Variants in PRKCD observed in about 807,000 individuals in gnomAD.
The protein encoded by PRKCD is protein kinase C delta type.
A neutral mutation model predicts 82.2 loss-of-function variants in PRKCD; 20 were observed. That is an observed-to-expected ratio of 0.24 (90% CI 0.17 to 0.35). The LOEUF (loss-of-function observed/expected upper bound fraction) is 0.35, where lower values mean the gene tolerates loss of function less well. Ranked by LOEUF, PRKCD falls within the 10% of genes least tolerant of loss-of-function variation. The pLI is 1.00. For missense variants in PRKCD, 607 were observed against 899.0 expected (o/e 0.68, Z 4.15); for synonymous variants, 317 against 337.0 (o/e 0.94, Z 0.65).
chr3:53,183,650 A>ACCTCACGCCACCCTCGCCT, intron 9 of PRKCD, 69 bp downstream of exon 9: 3 of 1,583,814 alleles, frequency 1.9e-6, no homozygotes. Context: ...AATTCCAGCC[A>ACCTCACGCCACCCTCGCCT]CCTCACGCCA....
rs1703962454 is a variant in PRKCD at position 53,192,504 on chromosome 3, GT to G, written c.*240del. On this transcript the variant is annotated 3_prime_UTR_variant, in exon 19 of 19. Transcript: ENST00000330452. ...TCCTGTGTTTCATTACTTGAATGTA[GT>G]TATCTATTGAAAATATATATTATAT... The G allele has an allele frequency of 2.6e-6, 1 of 377,426 alleles. No individual in the cohort carries two copies. Among genetic ancestry groups the G allele is most frequent in the South Asian group, 4.3e-5 (1 of 23,170 alleles). 23.4% of individuals were successfully genotyped at this position (377,426 alleles called of 1,614,324 possible).
chr3:53,174,221 G>A (rs1196574801), intron 2 of PRKCD, among the ~76,000 whole-genome samples: 2 of 152,262 alleles, frequency 1.3e-5, no homozygotes, highest in Non-Finnish European at 2.9e-5. Context: ...AAGTGGAGGA[G>A]CCAAGATTCA....
chr3:53,168,554 A>T (rs2107225767), intron 2 of PRKCD, among the ~76,000 whole-genome samples: 1 of 152,020 alleles, frequency 6.6e-6, no homozygotes, highest in Middle Eastern at 3.4e-3. Flanking sequence ...CTCAATATTT[A>T]CTGGCTGTGC....
At chr3:53,185,135 G>A (rs1271546939) in intron 10 of PRKCD, among the ~76,000 whole-genome samples, 161 bp downstream of exon 10, 1 of 152,202 alleles carries the variant, frequency 6.6e-6, no homozygotes, top group Non-Finnish European at 1.5e-5. Context: ...CAGAGGGAGG[G>A]GGGCTTTTTT....
chr3:53,165,064 C>T (rs1483186), intron 1 of PRKCD, 40 bp from the exon 2 acceptor site: 132,900 of 152,234 alleles, frequency 0.87, 58,149 homozygotes, highest in Middle Eastern at 0.89. Context: ...GCCTGTTTGG[C>T]GGTGCCTCCC....
intron 2 of PRKCD, among the ~76,000 whole-genome samples, chr3:53,176,267 T>C (rs1553665883): frequency 6.6e-6 from 1 of 150,578 alleles, no homozygotes; most frequent in Non-Finnish European, 1.5e-5. Context: ...GGGCAAGGAA[T>C]GTGGTGGGGT....
chr3:53,166,760 G>A (rs1271938704), intron 2 of PRKCD, among the ~76,000 whole-genome samples: 1 of 152,270 alleles, frequency 6.6e-6, no homozygotes, highest in Non-Finnish European at 1.5e-5. Context: ...TGTGATCTCA[G>A]TAAGGGGGGC....
At chr3:53,188,267 T>G (rs1553669818) in intron 15 of PRKCD, among the ~76,000 whole-genome samples, 2 of 148,534 alleles carry the variant, frequency 1.3e-5, no homozygotes, top group Non-Finnish European at 3.0e-5. Flanking sequence ...AGAATTGCTC[T>G]AAGGAGAGCC....
intron 1 of PRKCD, among the ~76,000 whole-genome samples, chr3:53,161,844 C>A (rs1215173665): frequency 6.8e-6 from 1 of 147,784 alleles, no homozygotes; most frequent in Non-Finnish European, 1.5e-5. Flanking sequence ...TCCGCGTGCT[C>A]CATCGCCCCA....
intron 2 of PRKCD, among the ~76,000 whole-genome samples, chr3:53,170,831 C>G (rs993819219): frequency 5.9e-5 from 9 of 152,182 alleles, no homozygotes; most frequent in Non-Finnish European, 1.3e-4. Flanking sequence ...GTGTACATCA[C>G]AGCTTGTGGC....
chr3:53,179,738 G>T lies in PRKCD; in HGVS notation c.277G>T (p.Glu93Ter). 6.3e-7 allele frequency: 1 copy of T among 1,587,152 alleles called. No homozygotes were observed. ...GACCGTGGGTGTGTCGGTGCTGGCCGAGCGCTGCAAGAAGAACAATGGCAA... is the reference window on the plus strand; with the variant it reads ...GACCGTGGGTGTGTCGGTGCTGGCCTAGCGCTGCAAGAAGAACAATGGCAA... Reference protein sequence around the residue: ...EVTVGVSVLAERCKKNNGKAE... With the variant: ...EVTVGVSVLA The change falls in exon 4 of 19, where the codon GAG (glutamate) becomes TAG (stop). Residue 93 changes from glutamate (E) to a stop codon, truncating the protein, a stop_gained. Transcript: ENST00000330452. LOFTEE classifies it high-confidence loss of function.
chr3:53,179,553 C>T (rs782646085), intron 3 of PRKCD, 24 bp from the exon 4 acceptor site: 2 of 1,613,998 alleles, frequency 1.2e-6, no homozygotes, highest in Non-Finnish European at 1.7e-6. Flanking sequence ...ATGGCCCAAC[C>T]TTCTCTGCCT....
chr3:53,180,795 G>A (rs1215360538), intron 4 of PRKCD, among the ~76,000 whole-genome samples: 5 of 152,196 alleles, frequency 3.3e-5, no homozygotes, highest in African/African-American at 9.7e-5. Flanking sequence ...TCGGCACAGA[G>A]GGAGGAGCAG....
At chr3:53,161,898 C>G (rs1371098138) in intron 1 of PRKCD, among the ~76,000 whole-genome samples, 1 of 140,760 alleles carries the variant, frequency 7.1e-6, no homozygotes, top group African/African-American at 2.7e-5. Flanking sequence ...CCCTCGATCC[C>G]GTCCTCCCGG....
intron 2 of PRKCD, among the ~76,000 whole-genome samples, chr3:53,171,949 G>A (rs189299027): frequency 2.6e-5 from 4 of 152,220 alleles, no homozygotes; most frequent in East Asian, 3.9e-4. Context: ...GGTGACAACC[G>A]GGAGGGAGCT....
intron 17 of PRKCD, 144 bp downstream of exon 17, chr3:53,189,390 C>G: frequency 1.1e-6 from 1 of 913,958 alleles, no homozygotes; most frequent in Non-Finnish European, 1.6e-6. Context: ...GTATTGCTCT[C>G]TCACCATGTT....
chr3:53,164,069 G>A (rs1189396174), intron 1 of PRKCD, among the ~76,000 whole-genome samples: 1 of 152,174 alleles, frequency 6.6e-6, no homozygotes, highest in African/African-American at 2.4e-5. Flanking sequence ...GTCTCCAGCT[G>A]GGGGAGGGGT....
chr3:53,183,124 G>C lies in PRKCD; in HGVS notation c.575G>C (p.Cys192Ser). ...LNKQGYKCRQ[C>S]NAAIHKKCID... ...CCTGGGCCTGTGCCTCTTCAAGAAT[G>C]TAACGCTGCCATCCACAAGAAATGC... The change falls in exon 8 of 19, where the codon TGT becomes TCT. Residue 192 changes from cysteine to serine, a missense_variant. By Grantham distance (112) the Cys-to-Ser change is moderately radical. Transcript: ENST00000330452. 1 of 1,614,190 alleles carries C rather than the reference G, an allele frequency of 6.2e-7. No individual in the cohort carries two copies. Among genetic ancestry groups the C allele is most frequent in the Non-Finnish European group, 8.5e-7 (1 of 1,180,012 alleles).
Position 53,185,647 on chromosome 3 carries a change from G to A in PRKCD, c.932G>A (p.Gly311Glu), listed in dbSNP as rs2107275603. ...RSDSASSEPVGIYQGFEKKTG... is the reference protein window; with the variant it reads ...RSDSASSEPVEIYQGFEKKTG... ...GACTCAGCCTCCTCAGAGCCTGTTG[G>A]GATATATCAGGGTTTCGAGAAGAAG... Residue 311 changes from glycine to glutamate, a missense_variant, in exon 11 of 19, where the codon GGG (glycine) becomes GAG (glutamate). Physicochemically the swap from Gly to Glu is moderately conservative, Grantham distance 98. Around this residue, in one of 5 missense-constraint regions of PRKCD, gnomAD observed 85 missense variants for 76.1 expected, o/e 1.12. Transcript: ENST00000330452. 1.2e-6 allele frequency: 2 copies of A among 1,613,200 alleles called. No homozygotes were observed. Among genetic ancestry groups the A allele is most frequent in the Non-Finnish European group, 1.7e-6 (2 of 1,180,036 alleles).
Sources: allele counts gnomAD v4.1 joint callset (sites outside exome capture counted in the v4.1 genomes callset), GRCh38; gene constraint gnomAD v4.1.1; regional missense constraint gnomAD v4.1.1; transcripts MANE v1.5; gene names NCBI Gene and HGNC (gene_info 2026-07-23, HGNC 2026-07-21).